ALKBH6: variants seen among roughly 807,000 people sequenced by gnomAD.
The protein encoded by ALKBH6 is probable RNA/DNA demethylase ALKBH6.
A neutral mutation model predicts 25.1 loss-of-function variants in ALKBH6; 20 were observed. That is an observed-to-expected ratio of 0.80 (90% confidence interval 0.56 to 1.16). ALKBH6 has a LOEUF of 1.16. ALKBH6 is among the 50% of genes most tolerant of loss of function. The pLI, the probability that ALKBH6 is intolerant of heterozygous loss-of-function variation, is 0.00. For missense variants in ALKBH6, 263 were observed against 326.5 expected (o/e 0.81, Z 1.50); for synonymous variants, 156 against 147.5 (o/e 1.06, Z -0.42).
chr19:36,014,130 C>T (rs1174428271), intron 1 of ALKBH6, 45 bp downstream of exon 1: 2 of 1,609,976 alleles, frequency 1.2e-6, no homozygotes. Context: ...CCACTTTCAG[C>T]CCTATTGACA....
chr19:36,014,078 T>C, intron 1 of ALKBH6, 97 bp downstream of exon 1: 1 of 1,577,354 alleles, frequency 6.3e-7, no homozygotes, highest in South Asian at 1.1e-5. Context: ...GACTCCAAGC[T>C]CTGAGCCTCC....
chr19:36,013,851 A>G lies in ALKBH6; in HGVS notation c.-26+324T>C. The G allele has an allele frequency of 8.6e-7, 1 of 1,162,062 alleles. No homozygotes were observed. The highest frequency in any genetic ancestry group is 1.1e-6 in the Non-Finnish European group (1 of 940,550). 72.0% of individuals were successfully genotyped at this position (1,162,062 alleles called of 1,614,324 possible). ...CAACACTCAGCGACCCCCGCCCCCC[A>G]CCGAATCCCATTCTGTGCACTCCTG... On this transcript the variant is annotated intron_variant, in intron 1 of 6. Transcript: ENST00000378875. This position sits in a 1 kb window ranked among gnomAD's most constrained non-coding sequence, Gnocchi z 4.6.
At position 36,010,616 on chromosome 19, in the gene ALKBH6, A is replaced by C; in HGVS notation, c.404T>G (p.Leu135Arg). Residue 135 changes from leucine (L) to arginine (R), a missense_variant, in exon 6 of 7, where the codon CTG (leucine) becomes CGG (arginine). Physicochemically the swap from Leu to Arg is moderately radical, Grantham distance 102 (BLOSUM62 -2). Around this residue, in one of 3 missense-constraint regions of ALKBH6, gnomAD observed 148 missense variants for 157.5 expected, o/e 0.94. Coordinates refer to ENST00000378875, the MANE Select transcript of ALKBH6 (RefSeq NM_032878.5). This position sits in a 1 kb window ranked among gnomAD's most constrained non-coding sequence, Gnocchi z 5.5. ...TGGCCGCCGCGGCTCGTAGAAGTCC[A>C]GCACGGTGTGGGAGCCCAGGCTGAT... ...STISLGSHTV[L>R]DFYEPRRPED... 1 of 1,614,056 alleles carries C rather than the reference A, an allele frequency of 6.2e-7. No homozygotes were observed.
rs570031709 is a variant in ALKBH6, at chr19:36,010,587, C to T, written c.433G>A (p.Asp145Asn). The change falls in exon 6 of 7, where the codon GAC becomes AAC. Residue 145 changes from aspartate to asparagine, a missense_variant. Around this residue, in one of 3 missense-constraint regions of ALKBH6, gnomAD observed 148 missense variants for 157.5 expected, o/e 0.94. Coordinates refer to ENST00000378875, the MANE Select transcript of ALKBH6 (RefSeq NM_032878.5). The surrounding 1 kb of genome is among the most constrained non-coding windows in gnomAD (Gnocchi z 5.5). The stretch of plus-strand genomic sequence containing the variant: ...CCCACCTGTTCTGTAGGGTCATCGT[C>T]CTCTGGCCGCCGCGGCTCGTAGAAG... ...LDFYEPRRPEDDDPTEQPRPP... is the reference protein window; with the variant it reads ...LDFYEPRRPENDDPTEQPRPP... The T allele has an allele frequency of 1.9e-5, 30 of 1,613,942 alleles. No individual in the cohort carries two copies. Among genetic ancestry groups the T allele is most frequent in the African/African-American group, 2.7e-5 (2 of 75,024 alleles).
chr19:36,011,079 TATAGCA>T, intron 4 of ALKBH6, 34 bp from the exon 5 acceptor site: 1 of 1,565,952 alleles, frequency 6.4e-7, no homozygotes, highest in Non-Finnish European at 8.7e-7. Context: ...AGGGCCCCCC[TATAGCA>T]ATAGATCCCC....
chr19:36,011,133 C>T (rs1035191683), intron 4 of ALKBH6, 88 bp from the exon 5 acceptor site: 12 of 1,498,198 alleles, frequency 8.0e-6, no homozygotes, highest in Non-Finnish European at 9.0e-6. Context: ...CACCCTGATC[C>T]TCTCAGGGAC....
In ALKBH6 at chr19:36,013,807, C is replaced by A; in HGVS notation, c.-26+368G>T. The A allele has an allele frequency of 7.8e-7, 1 of 1,280,784 alleles. No homozygotes were observed. The allele number at this position is 1,280,784 out of a possible 1,614,324, so 79.3% of individuals were successfully genotyped here. ...ACCTTGAGACCCCGCTTCAGACCTG[C>A]AACTGTGAGCCCGGCTATCAACACT... On this transcript the variant is annotated intron_variant, in intron 1 of 6. Coordinates refer to ENST00000378875, the MANE Select transcript of ALKBH6 (RefSeq NM_032878.5). This position sits in a 1 kb window ranked among gnomAD's most constrained non-coding sequence, Gnocchi z 4.6.
rs1235857086 is a variant in ALKBH6 at position 36,010,674 on chromosome 19, C to T, written c.346G>A (p.Asp116Asn). ...LPGEGIMPHE[D>N]GPLYYPTVST... is the part of the protein sequence containing the mutation. The stretch of plus-strand genomic sequence containing the variant: ...ACAGTCGGGTAGTACAGTGGTCCGT[C>T]CTCGTGGGGCTAGGGAGTGGGCACC... The change falls in exon 6 of 7, where the codon GAC (aspartate) becomes AAC (asparagine). Residue 116 changes from aspartate to asparagine, a missense_variant. Asp to Asn is a conservative substitution (Grantham distance 23). This residue lies in a region of ALKBH6 where 112 missense variants were observed against 153.0 expected (regional missense o/e 0.73). Coordinates refer to ENST00000378875, the MANE Select transcript of ALKBH6 (RefSeq NM_032878.5). This position sits in a 1 kb window ranked among gnomAD's most constrained non-coding sequence, Gnocchi z 5.5. 6.2e-7 allele frequency: 1 copy of T among 1,613,842 alleles called. No individual in the cohort carries two copies. The highest frequency in any genetic ancestry group is 1.3e-5 in the African/African-American group (1 of 75,012).
Position 36,013,388 on chromosome 19 carries a change from G to C in ALKBH6, c.10C>G (p.Gln4Glu), listed in dbSNP as rs778817277. The C allele has an allele frequency of 5.0e-6, 8 of 1,613,776 alleles. No homozygotes were observed. In the South Asian group the frequency reaches 7.7e-5, roughly 16 times the overall value. ...TCCAGGGCTGGGACTCTGGCGTCCT[G>C]CTCCTCCATCAACACCAACTCCTTG... MEE[Q>E]DARVPALEPF... Residue 4 changes from glutamine (Q) to glutamate (E), a missense_variant, in exon 2 of 7, where the codon CAG becomes GAG. Around this residue, in one of 3 missense-constraint regions of ALKBH6, gnomAD observed 112 missense variants for 153.0 expected, o/e 0.73. Transcript: ENST00000378875. The surrounding 1 kb of genome is among the most constrained non-coding windows in gnomAD (Gnocchi z 4.6).
Position 36,013,068 on chromosome 19 carries a change from CAT to C in ALKBH6, c.74_75del (p.Tyr25CysfsTer3). Reference protein sequence around the residue: ...RVEQAPPVIYYVPDFISKEEE... With the variant: ...RVEQAPPVIYXVPDFISKEEE... Reference sequence around the variant, plus strand: ...TCTTCTTTGGAGATGAAGTCAGGGACATAGTAGATTACAGGTGGTGCCTAGGA... The same window carrying C: ...TCTTCTTTGGAGATGAAGTCAGGGACAGTAGATTACAGGTGGTGCCTAGGA... On this transcript the variant is annotated frameshift_variant, in exon 3 of 7. Transcript: ENST00000378875. LOFTEE classifies it high-confidence loss of function. This position sits in a 1 kb window ranked among gnomAD's most constrained non-coding sequence, Gnocchi z 4.6. The C allele has an allele frequency of 6.2e-7, 1 of 1,614,036 alleles. No homozygotes were observed. The highest frequency in any genetic ancestry group is 8.5e-7 in the Non-Finnish European group (1 of 1,179,942).
chr19:36,014,058 A>G, intron 1 of ALKBH6, 117 bp downstream of exon 1: 2 of 1,537,738 alleles, frequency 1.3e-6, no homozygotes. Flanking sequence ...CCCGACTCCG[A>G]GCCTTTTAGG....
chr19:36,013,942 G>A lies in ALKBH6; in HGVS notation c.-26+233C>T, dbSNP rs1315625467. On this transcript the variant is annotated intron_variant, in intron 1 of 6. Transcript: ENST00000378875. The surrounding 1 kb of genome is among the most constrained non-coding windows in gnomAD (Gnocchi z 4.6). ...CCTCCTCGGATCCCCCCATTTGGAC[G>A]CCCCTCGGATTTCCCCTCCTGAGCG... 1 of 1,359,712 alleles carries A rather than the reference G, an allele frequency of 7.4e-7. No individual in the cohort carries two copies. Among genetic ancestry groups the A allele is most frequent in the South Asian group, 1.8e-5 (1 of 56,216 alleles). The allele number at this position is 1,359,712 out of a possible 1,614,324, so 84.2% of individuals were successfully genotyped here. A position where few individuals can be genotyped will look rare whatever the true frequency, so the allele number is the denominator to read the frequency against.
In ALKBH6 at chr19:36,010,934, T is replaced by C; in HGVS notation, c.296A>G (p.His99Arg). 3 of 1,613,894 alleles carry C rather than the reference T, an allele frequency of 1.9e-6. No homozygotes were observed. The highest frequency in any genetic ancestry group is 2.2e-5 in the East Asian group (1 of 44,862). Reference protein sequence around the residue: ...LSLFGGLPANHVLVNQYLPGE... With the variant: ...LSLFGGLPANRVLVNQYLPGE... Reference sequence around the variant, plus strand: ...AGGCAGATACTGGTTCACGAGGACATGGTTAGCTGGGAGGCCTCCAAAGAG... The same window carrying C: ...AGGCAGATACTGGTTCACGAGGACACGGTTAGCTGGGAGGCCTCCAAAGAG... Residue 99 changes from histidine to arginine, a missense_variant, in exon 5 of 7, where the codon CAT (histidine) becomes CGT (arginine). By Grantham distance (29) the His-to-Arg change is conservative. This residue lies in a region of ALKBH6 where 112 missense variants were observed against 153.0 expected (regional missense o/e 0.73). Transcript: ENST00000378875. The surrounding 1 kb of genome is among the most constrained non-coding windows in gnomAD (Gnocchi z 5.5).
In ALKBH6 at chr19:36,010,702, G is replaced by A. The variant is rs764270323; in HGVS notation, c.337-19C>T. ...CGTGGGGCTAGGGAGTGGGCACCAG[G>A]GCTGGGCAGGGCAGGAGTCCACAAC... On this transcript the variant is annotated intron_variant, in intron 5 of 6. Transcript: ENST00000378875. The surrounding 1 kb of genome is among the most constrained non-coding windows in gnomAD (Gnocchi z 5.5). 3 of 1,608,788 alleles carry A rather than the reference G, an allele frequency of 1.9e-6. No homozygotes were observed. The highest frequency in any genetic ancestry group is 2.2e-5 in the South Asian group (2 of 90,962).
Position 36,010,798 on chromosome 19 carries a change from T to C in ALKBH6, c.336+96A>G. The C allele has an allele frequency of 6.4e-7, 1 of 1,573,002 alleles. No individual in the cohort carries two copies. Reference sequence around the variant, plus strand: ...GAGGTGAATGCCTGTTTGGGAGATGTGGCTGCCTAATGAGTGAGGGTGGGT... The same window carrying C: ...GAGGTGAATGCCTGTTTGGGAGATGCGGCTGCCTAATGAGTGAGGGTGGGT... On this transcript the variant is annotated intron_variant, in intron 5 of 6. Coordinates refer to ENST00000378875, the MANE Select transcript of ALKBH6 (RefSeq NM_032878.5). The surrounding 1 kb of genome is among the most constrained non-coding windows in gnomAD (Gnocchi z 5.5).
At chr19:36,011,490 C>T (rs1249704779) in intron 3 of ALKBH6, 26 bp from the exon 4 acceptor site, 2 of 1,613,062 alleles carry the variant, frequency 1.2e-6, no homozygotes, top group Non-Finnish European at 8.5e-7. Flanking sequence ...GGGGTCACTC[C>T]TTTCTCAGGA....
Position 36,010,342 on chromosome 19 carries a change from T to C in ALKBH6, c.453+225A>G. 1.8e-6 allele frequency: 1 copy of C among 566,904 alleles called. No homozygotes were observed. The highest frequency in any genetic ancestry group is 3.2e-6 in the Non-Finnish European group (1 of 314,718). The allele number at this position is 566,904 out of a possible 1,614,324, so 35.1% of individuals were successfully genotyped here. A position where few individuals can be genotyped will look rare whatever the true frequency, so the allele number is the denominator to read the frequency against. On this transcript the variant is annotated intron_variant, in intron 6 of 6. Coordinates refer to ENST00000378875, the MANE Select transcript of ALKBH6 (RefSeq NM_032878.5). This position sits in a 1 kb window ranked among gnomAD's most constrained non-coding sequence, Gnocchi z 5.5. ...GAGTCAGGGGTATCCATTCAGCAGG[T>C]TGGGGCATCGGGGAGCCTGTGAAAA...
In ALKBH6 at chr19:36,010,218, T is replaced by G. The variant is rs1968556789; in HGVS notation, c.453+349A>C. The G allele has an allele frequency of 3.8e-6, 1 of 263,240 alleles. No homozygotes were observed. 16.3% of individuals were successfully genotyped at this position (263,240 alleles called of 1,614,324 possible). A position where few individuals can be genotyped will look rare whatever the true frequency, so the allele number is the denominator to read the frequency against. On this transcript the variant is annotated intron_variant, in intron 6 of 6. Coordinates refer to ENST00000378875, the MANE Select transcript of ALKBH6 (RefSeq NM_032878.5). The surrounding 1 kb of genome is among the most constrained non-coding windows in gnomAD (Gnocchi z 5.5). Reference sequence around the variant, plus strand: ...CACATTCCTGGAGTAGCAGGACGTCTGGGGCACCCTGAGCAGGGGCAGATA... The same window carrying G: ...CACATTCCTGGAGTAGCAGGACGTCGGGGGCACCCTGAGCAGGGGCAGATA...
In ALKBH6 at chr19:36,010,986, A is replaced by G; in HGVS notation, c.244T>C (p.Tyr82His). The G allele has an allele frequency of 1.2e-6, 2 of 1,613,868 alleles. No individual in the cohort carries two copies. The highest frequency in any genetic ancestry group is 1.7e-6 in the Non-Finnish European group (2 of 1,179,900). The change falls in exon 5 of 7, where the codon TAC becomes CAC. Residue 82 changes from tyrosine to histidine, a missense_variant. Tyr to His is a moderately conservative substitution (Grantham distance 83, BLOSUM62 2). Transcript: ENST00000378875. The surrounding 1 kb of genome is among the most constrained non-coding windows in gnomAD (Gnocchi z 5.5). ...PERLPPWLQRYVDKVSNLSLF... is the reference protein window; with the variant it reads ...PERLPPWLQRHVDKVSNLSLF... ...CTGAGGTTTGACACTTTGTCCACGT[A>G]GCGCTGGAGCCATGGGGGCAGCCGC...
Sources: gnomAD v4.1 joint callset for allele counts on GRCh38, gnomAD v4.1.1 for gene constraint, gnomAD v4.1.1 regional missense constraint, Gnocchi (gnomAD v3.1) non-coding constraint, MANE v1.5 for transcripts, NCBI Gene and HGNC (gene_info 2026-07-23, HGNC 2026-07-21) for gene names.